The following DCAF8L2 variants were observed in gnomAD, a reference collection of about 807,000 sequenced individuals.
DCAF8L2 encodes DDB1- and CUL4-associated factor 8-like protein 2.
For synonymous variants in DCAF8L2, 200 were observed against 190.9 expected, an observed-to-expected ratio of 1.05 and a Z score of -0.39; for missense variants, 430 against 490.7, an observed-to-expected ratio of 0.88 and a Z score of 1.17.
chrX:27,730,336 G>A (rs911044065), intron 4 of DCAF8L2, among the ~76,000 whole-genome samples: 1 of 112,044 alleles, frequency 8.9e-6, no homozygotes, highest in African/African-American at 3.2e-5. Context: ...CAAATTTTAA[G>A]TACACAATAC....
At chrX:27,623,534 A>G (rs1362081776) in intron 1 of DCAF8L2, among the ~76,000 whole-genome samples, 1 of 111,277 alleles carries the variant, frequency 9.0e-6, no homozygotes, top group African/African-American at 3.3e-5. Flanking sequence ...ATTTATAACA[A>G]CAAGGTTTTA....
At chrX:27,563,263 T>C in the DCAF8L2 span, among the ~76,000 whole-genome samples, 1 of 111,783 alleles carries the variant, frequency 8.9e-6, no homozygotes, top group Admixed American at 9.5e-5. Flanking sequence ...TATCCATCTT[T>C]CTTTCTTTCT....
At chrX:27,493,207 A>G in the DCAF8L2 span, among the ~76,000 whole-genome samples, 2 of 111,307 alleles carry the variant, frequency 1.8e-5, no homozygotes, top group African/African-American at 3.3e-5. Flanking sequence ...CACCACTGCA[A>G]TCCAGCCTGG....
At chrX:27,722,120 T>C (rs1286791216) in intron 4 of DCAF8L2, among the ~76,000 whole-genome samples, 1 of 112,322 alleles carries the variant, frequency 8.9e-6, no homozygotes, top group African/African-American at 3.2e-5. Context: ...TTGAGGCATC[T>C]CATTTATGCA....
chrX:27,584,014 A>C, the DCAF8L2 span, among the ~76,000 whole-genome samples: 1 of 111,971 alleles, frequency 8.9e-6, no homozygotes, highest in African/African-American at 3.2e-5. Context: ...CTGTGCTTGC[A>C]CTATAGCAGC....
rs1321658174 is a variant in DCAF8L2 at position 27,591,107 on chromosome X, T to C, written c.-342+667T>C. On this transcript the variant is annotated intron_variant, in intron 1 of 4. Transcript: ENST00000451261. ...ACTATATTTGGTATATCATAAATGCTGGGGGTTTTTCTTCATCCTGAATTT... is the reference window on the plus strand; with the variant it reads ...ACTATATTTGGTATATCATAAATGCCGGGGGTTTTTCTTCATCCTGAATTT... Among the ~76,000 whole-genome samples the C allele has an allele frequency of 2.8e-5, 3 of 106,667 alleles. No individual in the cohort carries two copies. The Admixed American group carries it at 3.1e-4, about 11-fold the overall frequency. 92.6% of individuals were successfully genotyped at this position (106,667 alleles called of 115,157 possible). A position where few individuals can be genotyped will look rare whatever the true frequency, so the allele number is the denominator to read the frequency against.
chrX:27,531,359 T>C, the DCAF8L2 span, among the ~76,000 whole-genome samples: 1 of 111,355 alleles, frequency 9.0e-6, no homozygotes, highest in Non-Finnish European at 1.9e-5. Flanking sequence ...CCCACCCCAC[T>C]GATTCAATTA....
chrX:27,587,483 C>CT (rs977095541), upstream of DCAF8L2, among the ~76,000 whole-genome samples: 1 of 111,553 alleles, frequency 9.0e-6, no homozygotes, highest in East Asian at 2.8e-4. Context: ...GTATTTTTCT[C>CT]TTTTACACAT....
upstream of DCAF8L2, among the ~76,000 whole-genome samples, chrX:27,587,984 AAATAT>A (rs1489806005): frequency 0.026 from 1,674 of 65,001 alleles, 20 homozygotes; most frequent in Middle Eastern, 0.08. Flanking sequence ...TTAAAAAAAA[AAATAT>A]ATATATATAT....
In DCAF8L2 at chrX:27,715,366, CA is replaced by C. The variant is rs35269496; in HGVS notation, c.-142-703del. Among the ~76,000 whole-genome samples the C allele has an allele frequency of 2.6e-3, 151 of 56,984 alleles. 1 individual carries two copies. The highest frequency in any genetic ancestry group is 8.3e-3 in the African/African-American group (129 of 15,506). The allele number at this position is 56,984 out of a possible 115,157, so 49.5% of individuals were successfully genotyped here. On this transcript the variant is annotated intron_variant, in intron 3 of 4. Coordinates refer to ENST00000451261, the MANE Select transcript of DCAF8L2 (RefSeq NM_001353450.2). ...TGGGCGACAGAGCGAGACTCCGTCT[CA>C]AAAAAAAAAAAAAAAAAAGGAACTG...
chrX:27,544,682 T>C, the DCAF8L2 span, among the ~76,000 whole-genome samples: 310 of 112,492 alleles, frequency 2.8e-3, 2 homozygotes, highest in Middle Eastern at 0.023. Flanking sequence ...ATGTTGGTCA[T>C]ATAATCCAGA....
chrX:27,596,184 T>A (rs1023385471), intron 1 of DCAF8L2, among the ~76,000 whole-genome samples: 1 of 112,210 alleles, frequency 8.9e-6, no homozygotes, highest in Admixed American at 9.5e-5. Context: ...TTTTAAGTTT[T>A]AATAATGTTT....
At chrX:27,548,390 A>G in the DCAF8L2 span, among the ~76,000 whole-genome samples, 1 of 111,494 alleles carries the variant, frequency 9.0e-6, no homozygotes, top group Non-Finnish European at 1.9e-5. Flanking sequence ...CTTTCTTCAA[A>G]ATGGTGTGGA....
intron 3 of DCAF8L2, among the ~76,000 whole-genome samples, chrX:27,713,700 T>TA (rs1931602639): frequency 9.0e-6 from 1 of 111,676 alleles, no homozygotes; most frequent in Admixed American, 9.5e-5. Flanking sequence ...GGACAGATAT[T>TA]AAATATTATA....
chrX:27,579,074 T>C, the DCAF8L2 span, among the ~76,000 whole-genome samples: 1 of 111,678 alleles, frequency 9.0e-6, no homozygotes, highest in African/African-American at 3.3e-5. Context: ...CCCCAAAGAA[T>C]ACAAATCATT....
chrX:27,492,929 G>A, the DCAF8L2 span, among the ~76,000 whole-genome samples: 1 of 111,462 alleles, frequency 9.0e-6, no homozygotes, highest in Non-Finnish European at 1.9e-5. Context: ...TAACTTTTTG[G>A]TTAGTCTAAA....
intron 2 of DCAF8L2, among the ~76,000 whole-genome samples, chrX:27,670,428 C>G (rs768199775): frequency 4.5e-5 from 5 of 111,141 alleles, no homozygotes; most frequent in Non-Finnish European, 9.4e-5. Context: ...TGCTTGTCTT[C>G]AAGTGCCAAA....
At chrX:27,738,908 T>C (rs1921692905) in intron 4 of DCAF8L2, among the ~76,000 whole-genome samples, 1 of 111,165 alleles carries the variant, frequency 9.0e-6, no homozygotes, top group East Asian at 2.9e-4. Flanking sequence ...CACCACCAGA[T>C]CTAATAACCT....
chrX:27,606,358 A>AATAT lies in DCAF8L2; in HGVS notation c.-342+15939_-342+15942dup, dbSNP rs200718182. On this transcript the variant is annotated intron_variant, in intron 1 of 4. Coordinates refer to ENST00000451261, the MANE Select transcript of DCAF8L2 (RefSeq NM_001353450.2). ...TATAGGAATTATATATATATCTAGG[A>AATAT]ATATATATATATATATATATATATT... 2.0e-3 allele frequency among the ~76,000 whole-genome samples: 79 copies of AATAT among 39,749 alleles called. 2 individuals carry two copies. Among genetic ancestry groups the AATAT allele is most frequent in the Admixed American group, 4.7e-3 (16 of 3,392 alleles). 34.5% of individuals were successfully genotyped at this position (39,749 alleles called of 115,157 possible). A position where few individuals can be genotyped will look rare whatever the true frequency, so the allele number is the denominator to read the frequency against.
Sources: gnomAD v4.1 joint callset for allele counts (sites outside exome capture counted in the v4.1 genomes callset) on GRCh38, gnomAD v4.1.1 for gene constraint, MANE v1.5 for transcripts, NCBI Gene and HGNC (gene_info 2026-07-23, HGNC 2026-07-21) for gene names.